The following TSC22D1 variants were observed in gnomAD, a reference collection of about 807,000 sequenced individuals.
TSC22D1 encodes TSC22 domain family member 1, also known as TSC22 domain family protein 1.
In TSC22D1, 9 loss-of-function variants were observed where a neutral mutation model predicts 74.2. The observed-to-expected ratio is 0.12, with a 90% CI of 0.07 to 0.21. TSC22D1 has a LOEUF of 0.21. Ranked by LOEUF, TSC22D1 falls within the 10% of genes least tolerant of loss-of-function variation. TSC22D1 has a pLI of 1.00. For synonymous variants in TSC22D1, 586 were observed against 492.5 expected (o/e 1.19, Z -2.51); for missense variants, 1,427 against 1,304.7 (o/e 1.09, Z -1.44).
At chr13:44,557,766 TA>T (rs1192463437) in intron 1 of TSC22D1, among the ~76,000 whole-genome samples, 4 of 152,170 alleles carry the variant, frequency 2.6e-5, no homozygotes, top group Admixed American at 2.0e-4. Context: ...ATTAAGCTTA[TA>T]AAAAATATCC....
At chr13:44,441,112 G>A (rs1398081449) in intron 1 of TSC22D1, among the ~76,000 whole-genome samples, 3 of 152,168 alleles carry the variant, frequency 2.0e-5, no homozygotes, top group Non-Finnish European at 4.4e-5. Flanking sequence ...CAGGAACTCA[G>A]ATACTGGAGG....
intron 1 of TSC22D1, among the ~76,000 whole-genome samples, chr13:44,510,219 TAA>T (rs760309642): frequency 1.2e-4 from 16 of 130,020 alleles, no homozygotes; most frequent in Admixed American, 2.3e-4. Context: ...CCCTGTCTAC[TAA>T]AAAAAAAAAA....
intron 1 of TSC22D1, among the ~76,000 whole-genome samples, chr13:44,501,757 T>C (rs1415001956): frequency 6.6e-6 from 1 of 152,212 alleles, no homozygotes; most frequent in East Asian, 1.9e-4. Context: ...CTCATAAATT[T>C]ACTAATATCA....
intron 1 of TSC22D1, chr13:44,436,692 T>C (rs760329408): frequency 5.9e-5 from 90 of 1,537,414 alleles, no homozygotes; most frequent in Admixed American, 2.0e-4. Context: ...TTGTATAAGC[T>C]AGATAAAATC....
At chr13:44,482,634 G>A (rs759207775) in intron 1 of TSC22D1, among the ~76,000 whole-genome samples, 14 of 152,182 alleles carry the variant, frequency 9.2e-5, no homozygotes, top group Non-Finnish European at 1.9e-4. Flanking sequence ...ACTCAACTTT[G>A]TTGTTTCTGC....
chr13:44,511,360 G>A, intron 1 of TSC22D1, among the ~76,000 whole-genome samples: 1 of 151,948 alleles, frequency 6.6e-6, no homozygotes, highest in South Asian at 2.1e-4. Flanking sequence ...TTCTATAGCT[G>A]AGCTCATGTC....
rs766837610 is a variant in TSC22D1 at position 44,443,023 on chromosome 13, GA to G, written c.2913-6929del. On this transcript the variant is annotated intron_variant, in intron 1 of 2. Coordinates refer to ENST00000458659, the MANE Select transcript of TSC22D1 (RefSeq NM_183422.4). The stretch of plus-strand genomic sequence containing the variant: ...CAAATATATCTGTAGTGAAGTCCCT[GA>G]AAAAAAAAAAAAAGGAGAGAAAACA... Among the ~76,000 whole-genome samples the G allele has an allele frequency of 3.6e-3, 462 of 126,886 alleles. 1 individual carries two copies. The highest frequency in any genetic ancestry group is 4.3e-3 in the Non-Finnish European group (256 of 59,090). 83.2% of individuals were successfully genotyped at this position (126,886 alleles called of 152,430 possible).
chr13:44,493,671 T>TC (rs1346901370), intron 1 of TSC22D1, among the ~76,000 whole-genome samples: 1 of 152,222 alleles, frequency 6.6e-6, no homozygotes, highest in Non-Finnish European at 1.5e-5. Context: ...ATCTTGCTGA[T>TC]CTTTAGGCTC....
At position 44,574,585 on chromosome 13, in the gene TSC22D1, T is replaced by A. The variant is rs1475733414; in HGVS notation, c.1490A>T (p.Gln497Leu). 3 of 1,613,912 alleles carry A rather than the reference T, an allele frequency of 1.9e-6. No homozygotes were observed. Among genetic ancestry groups the A allele is most frequent in the East Asian group, 2.2e-5 (1 of 44,896 alleles). Residue 497 changes from glutamine (Q) to leucine (L), a missense_variant, in exon 1 of 3, where the codon CAG becomes CTG. Gln to Leu is a moderately radical substitution (Grantham distance 113, BLOSUM62 -2). Transcript: ENST00000458659. The part of the protein sequence containing the change: ...GEMGAPTVVV[Q>L]QQQQQQQQQQ... ...TTGTTGTTGTTGCTGCTGCTGCTGC[T>A]GCACCACCACAGTAGGGGCTCCCAT...
At chr13:44,463,454 GA>G (rs1368813080) in intron 1 of TSC22D1, among the ~76,000 whole-genome samples, 1 of 152,162 alleles carries the variant, frequency 6.6e-6, no homozygotes, top group Non-Finnish European at 1.5e-5. Context: ...CTTTGAATTA[GA>G]AGTTAAGGTG....
intron 1 of TSC22D1, among the ~76,000 whole-genome samples, chr13:44,472,914 T>G (rs2064145704): frequency 6.6e-6 from 1 of 152,174 alleles, no homozygotes; most frequent in Non-Finnish European, 1.5e-5. Context: ...GACCTGAGAT[T>G]GGGCAATTTA....
At chr13:44,449,671 G>A (rs893121648) in intron 1 of TSC22D1, among the ~76,000 whole-genome samples, 5 of 151,014 alleles carry the variant, frequency 3.3e-5, no homozygotes, top group Admixed American at 6.6e-5. Flanking sequence ...ATAAGGGTAA[G>A]AAGACAATGC....
chr13:44,446,159 A>C lies in TSC22D1; in HGVS notation c.2913-10064T>G, dbSNP rs371803557. 2.0e-5 allele frequency among the ~76,000 whole-genome samples: 3 copies of C among 152,354 alleles called. No homozygotes were observed. In the East Asian group the frequency reaches 5.8e-4, roughly 29 times the overall value. On this transcript the variant is annotated intron_variant, in intron 1 of 2. Coordinates refer to ENST00000458659, the MANE Select transcript of TSC22D1 (RefSeq NM_183422.4). The stretch of plus-strand genomic sequence containing the variant: ...TAAACAAACCATGGTACATCTAGAC[A>C]ATGCAATAATACTCAGCAATACAAA...
At chr13:44,527,716 C>T (rs954804255) in intron 1 of TSC22D1, among the ~76,000 whole-genome samples, 1 of 152,106 alleles carries the variant, frequency 6.6e-6, no homozygotes, top group African/African-American at 2.4e-5. Flanking sequence ...TAAATGTGAA[C>T]AGCTTAAATA....
At chr13:44,568,682 T>C (rs893814066) in intron 1 of TSC22D1, among the ~76,000 whole-genome samples, 2 of 152,080 alleles carry the variant, frequency 1.3e-5, no homozygotes, top group East Asian at 1.9e-4. Context: ...TTAACACTTA[T>C]TTGCAAGCAG....
At chr13:44,523,015 G>T (rs1362167955) in intron 1 of TSC22D1, among the ~76,000 whole-genome samples, 1 of 151,246 alleles carries the variant, frequency 6.6e-6, no homozygotes, top group African/African-American at 2.4e-5. Flanking sequence ...CTGAGCAGAT[G>T]TATCACCAAA....
intron 1 of TSC22D1, among the ~76,000 whole-genome samples, chr13:44,529,518 C>G (rs529150803): frequency 1.4e-4 from 22 of 152,110 alleles, no homozygotes; most frequent in African/African-American, 4.1e-4. Flanking sequence ...ATGCTTTCCC[C>G]TAATATTGGG....
intron 1 of TSC22D1, among the ~76,000 whole-genome samples, chr13:44,517,879 T>TTTTTTTTTAA (rs1269388082): frequency 8.3e-6 from 1 of 120,738 alleles, no homozygotes; most frequent in Non-Finnish European, 1.7e-5. Context: ...TTTTTTTTTT[T>TTTTTTTTTAA]AACAAGGTCT....
intron 1 of TSC22D1, among the ~76,000 whole-genome samples, chr13:44,442,363 T>C (rs1875270087): frequency 6.6e-6 from 1 of 152,230 alleles, no homozygotes; most frequent in East Asian, 1.9e-4. Context: ...ACAAAGATGA[T>C]TTATAGACAG....
Sources: gnomAD v4.1 joint callset for allele counts (sites outside exome capture counted in the v4.1 genomes callset) on GRCh38, gnomAD v4.1.1 for gene constraint, MANE v1.5 for transcripts, NCBI Gene and HGNC (gene_info 2026-07-23, HGNC 2026-07-21) for gene names.